AFG2A: variants seen among roughly 807,000 people sequenced by gnomAD.
AFG2A encodes AAA ATPase AFG2A.
the AFG2A span, among the ~76,000 whole-genome samples, chr4:123,174,708 C>T: frequency 1.3e-5 from 2 of 151,930 alleles, no homozygotes; most frequent in East Asian, 1.9e-4. Context: ...TGGGCCCCTA[C>T]TTCACATCAC....
At chr4:122,948,387 T>TACACACACACACACACACAC in the AFG2A span, among the ~76,000 whole-genome samples, 1 of 129,550 alleles carries the variant, frequency 7.7e-6, no homozygotes, top group Admixed American at 8.0e-5. Context: ...CTCCAGAGTA[T>TACACACACACACACACACAC]ACACACACAC....
At chr4:123,037,796 G>A in the AFG2A span, among the ~76,000 whole-genome samples, 1 of 151,922 alleles carries the variant, frequency 6.6e-6, no homozygotes, top group Admixed American at 6.6e-5. Flanking sequence ...GCTTTGTCTA[G>A]CCCCAAATTA....
the AFG2A span, among the ~76,000 whole-genome samples, chr4:123,115,451 C>T: frequency 4.6e-5 from 7 of 152,084 alleles, no homozygotes; most frequent in African/African-American, 1.2e-4. Flanking sequence ...GCGCCACTCC[C>T]GCTTTCCACC....
the AFG2A span, among the ~76,000 whole-genome samples, chr4:123,129,633 A>G: frequency 1.3e-5 from 2 of 151,874 alleles, no homozygotes; most frequent in South Asian, 2.1e-4. Context: ...TTTTTCTTCT[A>G]TTTCTTTGTC....
chr4:123,299,562 G>A, the AFG2A span, among the ~76,000 whole-genome samples: 2 of 152,074 alleles, frequency 1.3e-5, no homozygotes, highest in Admixed American at 6.5e-5. Context: ...AGTTTCCATT[G>A]TATCATAATC....
the AFG2A span, among the ~76,000 whole-genome samples, chr4:123,137,257 G>A: frequency 4.6e-5 from 7 of 152,296 alleles, no homozygotes; most frequent in African/African-American, 1.7e-4. Flanking sequence ...CACTTTGGTT[G>A]ATTATGCTGC....
At chr4:123,107,633 T>G in the AFG2A span, among the ~76,000 whole-genome samples, 1 of 152,184 alleles carries the variant, frequency 6.6e-6, no homozygotes, top group East Asian at 1.9e-4. Context: ...CCCACCCCTT[T>G]GCACCCAGGA....
the AFG2A span, among the ~76,000 whole-genome samples, chr4:123,163,007 C>A: frequency 2.0e-5 from 3 of 152,264 alleles, no homozygotes; most frequent in South Asian, 6.2e-4. Flanking sequence ...TACATAGATG[C>A]AAATGGTAAA....
chr4:123,104,268 T>C, the AFG2A span, among the ~76,000 whole-genome samples: 3 of 152,176 alleles, frequency 2.0e-5, no homozygotes, highest in Non-Finnish European at 4.4e-5. Flanking sequence ...TTAACATTAT[T>C]ATTGTAATTG....
At chr4:122,958,277 G>A in the AFG2A span, among the ~76,000 whole-genome samples, 1,314 of 152,126 alleles carry the variant, frequency 8.6e-3, 16 homozygotes, top group African/African-American at 0.029. Flanking sequence ...GCTCTGATAC[G>A]GCCTTTAACT....
chr4:123,012,889 CAGG>C, the AFG2A span, among the ~76,000 whole-genome samples: 1 of 151,892 alleles, frequency 6.6e-6, no homozygotes, highest in Non-Finnish European at 1.5e-5. Context: ...GAGCAAAGAG[CAGG>C]AGAATAGCGG....
chr4:122,957,274 A>G, the AFG2A span, among the ~76,000 whole-genome samples: 2 of 152,322 alleles, frequency 1.3e-5, no homozygotes, highest in African/African-American at 2.4e-5. Flanking sequence ...GGGTTTTCCC[A>G]TGGTGTTCTT....
chr4:123,002,707 A>G, the AFG2A span, among the ~76,000 whole-genome samples: 1 of 152,132 alleles, frequency 6.6e-6, no homozygotes, highest in South Asian at 2.1e-4. Flanking sequence ...TTTGTGGGTA[A>G]CCTGACCTTT....
At chr4:123,042,266 G>C in the AFG2A span, among the ~76,000 whole-genome samples, 8,009 of 152,178 alleles carry the variant, frequency 0.053, 310 homozygotes, top group South Asian at 0.17. Context: ...GGCAGATGTG[G>C]TGTCTTCTTA....
chr4:122,934,774 T>A, the AFG2A span: 1 of 1,523,054 alleles, frequency 6.6e-7, no homozygotes, highest in Non-Finnish European at 8.8e-7. Flanking sequence ...CCAAAAATGT[T>A]AAATTCAAAT....
chr4:122,957,208 AT>A, the AFG2A span, among the ~76,000 whole-genome samples: 1 of 152,158 alleles, frequency 6.6e-6, no homozygotes, highest in Non-Finnish European at 1.5e-5. Flanking sequence ...CTCATCGGCT[AT>A]TTTCAGTGGT....
the AFG2A span, among the ~76,000 whole-genome samples, chr4:123,301,246 A>G: frequency 6.6e-6 from 1 of 152,192 alleles, no homozygotes; most frequent in Admixed American, 6.5e-5. Context: ...AATCTTTACT[A>G]TGTGGCCAAC....
At chr4:123,285,929 GGTGGTAGTGCTAATA>G in the AFG2A span, among the ~76,000 whole-genome samples, 1 of 152,128 alleles carries the variant, frequency 6.6e-6, no homozygotes, top group Non-Finnish European at 1.5e-5. Flanking sequence ...TGGTGGTGGA[GGTGGTAGTGCTAATA>G]GTGCTATTAT....
At chr4:123,159,371 A>T in the AFG2A span, among the ~76,000 whole-genome samples, 1 of 152,176 alleles carries the variant, frequency 6.6e-6, no homozygotes, top group African/African-American at 2.4e-5. Context: ...TATTTAGGAC[A>T]CATAGGAGCC....
Sources: gnomAD v4.1 joint callset for allele counts (sites outside exome capture counted in the v4.1 genomes callset) on GRCh38, gnomAD v4.1.1 for gene constraint, MANE v1.5 for transcripts, NCBI Gene and HGNC (gene_info 2026-07-23, HGNC 2026-07-21) for gene names.